The following RORB variants were observed in gnomAD, a reference collection of about 807,000 sequenced individuals.
RORB encodes RAR related orphan receptor B, also known as nuclear receptor ROR-beta.
In RORB, 6 loss-of-function variants were observed where a neutral mutation model predicts 59.1. That is an observed-to-expected ratio of 0.10 (90% confidence interval 0.06 to 0.20). RORB has a LOEUF of 0.20. Among genes scored for constraint, RORB ranks in the 10% least tolerant of loss-of-function variants. RORB has a pLI of 1.00. For missense variants in RORB, 320 were observed against 560.5 expected, an observed-to-expected ratio of 0.57 and a Z score of 4.33; for synonymous variants, 215 against 204.5, an observed-to-expected ratio of 1.05 and a Z score of -0.44.
chr9:74,522,844 T>G (rs930421217), intron 1 of RORB, among the ~76,000 whole-genome samples: 11 of 151,814 alleles, frequency 7.2e-5, no homozygotes, highest in Non-Finnish European at 1.5e-4. Flanking sequence ...GGGGCATCAC[T>G]GCAAATCACT....
In RORB at chr9:74,593,467, A is replaced by T. The variant is rs1248999993; in HGVS notation, c.8-36815A>T. ...GGCAACAAGAGCTCAAACTCCATCT[A>T]AAAAAAAAAAAAAAAAACAAAAGAG... On this transcript the variant is annotated intron_variant, in intron 1 of 9. Transcript: ENST00000376896. 2.2e-3 allele frequency among the ~76,000 whole-genome samples: 4 copies of T among 1,782 alleles called. No homozygotes were observed. In the East Asian group the frequency reaches 0.4, roughly 178 times the overall value. The allele number at this position is 1,782 out of a possible 152,430, so 1.2% of individuals were successfully genotyped here.
intron 1 of RORB, among the ~76,000 whole-genome samples, chr9:74,597,224 G>C (rs957505895): frequency 3.3e-5 from 5 of 152,156 alleles, no homozygotes; most frequent in Admixed American, 3.3e-4. Flanking sequence ...TTGGTAACTG[G>C]TACATCTGAA....
At position 74,590,854 on chromosome 9, in the gene RORB, T is replaced by C. The variant is rs561139352; in HGVS notation, c.8-39428T>C. Among the ~76,000 whole-genome samples, 10 of 152,310 alleles carry C rather than the reference T, an allele frequency of 6.6e-5. No individual in the cohort carries two copies. The East Asian group carries it at 1.4e-3, about 21-fold the overall frequency. Reference sequence around the variant, plus strand: ...TCACCTTGGCTGGAGTGCAGTGCAGTGGTGCAATCTTGGCTCACTGCAACC... The same window carrying C: ...TCACCTTGGCTGGAGTGCAGTGCAGCGGTGCAATCTTGGCTCACTGCAACC... On this transcript the variant is annotated intron_variant, in intron 1 of 9. Coordinates refer to ENST00000376896, the MANE Select transcript of RORB (RefSeq NM_006914.4).
chr9:74,546,196 A>G (rs922674847), intron 1 of RORB, among the ~76,000 whole-genome samples: 11 of 152,234 alleles, frequency 7.2e-5, no homozygotes, highest in South Asian at 2.1e-4. Context: ...TTTTAGATAG[A>G]GAAGCTCGGA....
chr9:74,512,688 G>C (rs1042397610), intron 1 of RORB, among the ~76,000 whole-genome samples: 1 of 152,176 alleles, frequency 6.6e-6, no homozygotes, highest in African/African-American at 2.4e-5. Flanking sequence ...CCATAATGCT[G>C]AGATTGAGAA....
Position 74,645,788 on chromosome 9 carries a change from A to AGTTATAT in RORB, c.637+2973_637+2974insGTTATAT, listed in dbSNP as rs1823887451. On this transcript the variant is annotated intron_variant, in intron 4 of 9. Transcript: ENST00000376896. ...GGCTTAGAAGTTATATAACTTGTAA[A>AGTTATAT]AAGCAAAGAACACTTATAAGCCCAT... Among the ~76,000 whole-genome samples the AGTTATAT allele has an allele frequency of 5.9e-5, 9 of 152,242 alleles. No homozygotes were observed. The South Asian group carries it at 1.9e-3, about 32-fold the overall frequency.
At chr9:74,580,151 A>G (rs1822700000) in intron 1 of RORB, among the ~76,000 whole-genome samples, 1 of 152,134 alleles carries the variant, frequency 6.6e-6, no homozygotes, top group South Asian at 2.1e-4. Flanking sequence ...GTTTAAGACC[A>G]TATCCCGTTT....
chr9:74,653,471 A>G (rs1563965106), intron 4 of RORB, among the ~76,000 whole-genome samples: 1 of 151,990 alleles, frequency 6.6e-6, no homozygotes, highest in Non-Finnish European at 1.5e-5. Flanking sequence ...AAAAAAAAAA[A>G]GTCCCTTGTG....
At chr9:74,506,026 T>C (rs546846448) in intron 1 of RORB, among the ~76,000 whole-genome samples, 20 of 151,902 alleles carry the variant, frequency 1.3e-4, no homozygotes, top group African/African-American at 4.8e-4. Context: ...TACTTTATAA[T>C]ATCCATATAC....
intron 1 of RORB, among the ~76,000 whole-genome samples, chr9:74,598,728 G>GGA (rs60929947): frequency 0.17 from 25,657 of 152,066 alleles, 2,161 homozygotes; most frequent in Admixed American, 0.21. Context: ...CTATCTAATT[G>GGA]ACTGTCCTGT....
At chr9:74,567,037 T>C (rs1036204733) in intron 1 of RORB, among the ~76,000 whole-genome samples, 1 of 152,010 alleles carries the variant, frequency 6.6e-6, no homozygotes, top group Non-Finnish European at 1.5e-5. Flanking sequence ...CCACCCTTTT[T>C]TTTTTTCTGA....
chr9:74,643,757 C>T (rs990022090), intron 4 of RORB, among the ~76,000 whole-genome samples: 1 of 152,178 alleles, frequency 6.6e-6, no homozygotes, highest in African/African-American at 2.4e-5. Context: ...GCTCAGGAAC[C>T]TTCAAGGGCT....
intron 1 of RORB, among the ~76,000 whole-genome samples, chr9:74,526,417 T>C (rs1349464163): frequency 6.6e-6 from 1 of 151,852 alleles, no homozygotes; most frequent in Non-Finnish European, 1.5e-5. Context: ...GGAGCTCGCC[T>C]TCCTTCCCCT....
At chr9:74,656,867 C>T (rs1180700983) in intron 4 of RORB, among the ~76,000 whole-genome samples, 1 of 152,126 alleles carries the variant, frequency 6.6e-6, no homozygotes, top group African/African-American at 2.4e-5. Context: ...AGATGAAATT[C>T]CTTGACCTGT....
intron 1 of RORB, among the ~76,000 whole-genome samples, chr9:74,625,240 A>G (rs995361791): frequency 6.6e-6 from 1 of 152,212 alleles, no homozygotes; most frequent in Admixed American, 6.5e-5. Flanking sequence ...TGGGTGTCTC[A>G]TCATATACAA....
chr9:74,635,428 TA>T (rs973130063), intron 3 of RORB, among the ~76,000 whole-genome samples: 1 of 152,208 alleles, frequency 6.6e-6, no homozygotes. Context: ...GGGAACATCT[TA>T]GAGTAATGAA....
rs557749156 is a variant in RORB, at chr9:74,634,036, T to A, written c.94-595T>A. 3.3e-5 allele frequency among the ~76,000 whole-genome samples: 5 copies of A among 150,176 alleles called. No homozygotes were observed. In the East Asian group the frequency reaches 9.8e-4, roughly 30 times the overall value. On this transcript the variant is annotated intron_variant, in intron 2 of 9. Transcript: ENST00000376896. ...TATGATCCTGCCTGCAAATAGCCAC[T>A]GAACTCTAGCGTGAACAGCATAGCA...
chr9:74,591,676 A>G (rs1287049927), intron 1 of RORB, among the ~76,000 whole-genome samples: 1 of 152,214 alleles, frequency 6.6e-6, no homozygotes, highest in African/African-American at 2.4e-5. Flanking sequence ...CCCATAAAAC[A>G]TGTTTTTCTT....
At chr9:74,665,636 C>A in intron 7 of RORB, 41 bp downstream of exon 7, 1 of 1,235,480 alleles carries the variant, frequency 8.1e-7, no homozygotes, top group Non-Finnish European at 1.2e-6. Flanking sequence ...TATTAGCCAC[C>A]ATCAGTTTCT....
Sources: gnomAD v4.1 joint callset for allele counts (sites outside exome capture counted in the v4.1 genomes callset) on GRCh38, gnomAD v4.1.1 for gene constraint, MANE v1.5 for transcripts, NCBI Gene and HGNC (gene_info 2026-07-23, HGNC 2026-07-21) for gene names.